The following MCPH1 variants were observed in gnomAD, a reference collection of about 807,000 sequenced individuals.
MCPH1 encodes the protein microcephalin 1.
MCPH1 carries 104 observed loss-of-function variants against 84.5 expected under a neutral mutation model. The observed-to-expected ratio is 1.23, with a 90% confidence interval of 1.05 to 1.45. The LOEUF is 1.45. Among genes scored for constraint, MCPH1 ranks in the 40% most tolerant of loss-of-function variants. The probability of loss-of-function intolerance (pLI) is 0.00; values close to 1 mark genes in which losing one functional copy is unlikely to be tolerated. For missense variants in MCPH1, 1,498 were observed against 1,005.7 expected, an observed-to-expected ratio of 1.49 and a Z score of -6.62; for synonymous variants, 514 against 366.8, an observed-to-expected ratio of 1.40 and a Z score of -4.58.
At chr8:6,626,464 TTTTTG>T (rs1399259836) in intron 13 of MCPH1, 30 of 976,488 alleles carry the variant, frequency 3.1e-5, no homozygotes, top group Non-Finnish European at 3.4e-5. Flanking sequence ...TTGTTTGGTT[TTTTTG>T]TTTTGTTTTT....
intron 3 of MCPH1, among the ~76,000 whole-genome samples, chr8:6,416,032 C>G (rs913533879): frequency 6.6e-6 from 1 of 152,022 alleles, no homozygotes; most frequent in Non-Finnish European, 1.5e-5. Flanking sequence ...AAATTTATTC[C>G]TAACTTTTTT....
chr8:6,599,428 C>G (rs780873262), intron 12 of MCPH1, among the ~76,000 whole-genome samples: 1 of 152,120 alleles, frequency 6.6e-6, no homozygotes, highest in East Asian at 1.9e-4. Context: ...TGTTCTTTGT[C>G]CATTATTCTC....
chr8:6,607,253 A>G (rs1279432248), intron 12 of MCPH1, among the ~76,000 whole-genome samples: 1 of 152,194 alleles, frequency 6.6e-6, no homozygotes, highest in Admixed American at 6.5e-5. Context: ...CACAGAGAAG[A>G]ATCAGAACAA....
intron 12 of MCPH1, among the ~76,000 whole-genome samples, chr8:6,558,418 T>A (rs1378011520): frequency 2.0e-5 from 3 of 152,236 alleles, no homozygotes; most frequent in Non-Finnish European, 2.9e-5. Context: ...AACTCTTGTT[T>A]TTCAATTTTA....
At chr8:6,529,685 G>C (rs889110997) in intron 12 of MCPH1, among the ~76,000 whole-genome samples, 4 of 144,748 alleles carry the variant, frequency 2.8e-5, no homozygotes, top group African/African-American at 1.0e-4. Flanking sequence ...AGCTGGTCTC[G>C]GACTCCTGAT....
intron 12 of MCPH1, among the ~76,000 whole-genome samples, chr8:6,558,760 T>G (rs929860642): frequency 2.0e-5 from 3 of 152,192 alleles, no homozygotes; most frequent in Non-Finnish European, 4.4e-5. Flanking sequence ...TAATCCAGTA[T>G]GTCAGACAAC....
At chr8:6,571,092 T>G (rs1179644740) in intron 12 of MCPH1, among the ~76,000 whole-genome samples, 1 of 152,134 alleles carries the variant, frequency 6.6e-6, no homozygotes, top group African/African-American at 2.4e-5. Context: ...TTCTCTAGTA[T>G]TATTATGGAA....
chr8:6,599,648 C>T (rs567994850), intron 12 of MCPH1, among the ~76,000 whole-genome samples: 1 of 152,340 alleles, frequency 6.6e-6, no homozygotes, highest in South Asian at 2.1e-4. Context: ...AACAAATTCT[C>T]AGGTGCTTGT....
chr8:6,594,936 T>C (rs532508017), intron 12 of MCPH1, among the ~76,000 whole-genome samples: 2 of 152,344 alleles, frequency 1.3e-5, no homozygotes, highest in East Asian at 3.9e-4. Flanking sequence ...ATAATGGTTT[T>C]AAACTGTTCT....
In MCPH1 at chr8:6,548,330, C is replaced by T. The variant is rs75678600; in HGVS notation, c.2214+48401C>T. 5.7e-3 allele frequency among the ~76,000 whole-genome samples: 861 copies of T among 152,272 alleles called. 12 individuals are homozygous for T. The highest frequency in any genetic ancestry group is 0.056 in the East Asian group (290 of 5,166). ...GTGCGTCACTTCCCAGCTGTTGGTC[C>T]CCTGCCACTTAGATGCCTTTCATGG... On this transcript the variant is annotated intron_variant, in intron 12 of 13. Transcript: ENST00000344683.
chr8:6,623,189 C>G (rs939940264), intron 13 of MCPH1, among the ~76,000 whole-genome samples: 1 of 151,854 alleles, frequency 6.6e-6, no homozygotes, highest in Non-Finnish European at 1.5e-5. Flanking sequence ...TTTCAAGGCC[C>G]CATCTCCAAA....
chr8:6,500,219 A>G (rs1318576443), intron 12 of MCPH1: 1 of 406,646 alleles, frequency 2.5e-6, no homozygotes, highest in East Asian at 5.4e-5. Flanking sequence ...ATTCTTGGGC[A>G]GGTAGTCTTA....
At chr8:6,556,999 G>A (rs1427598756) in intron 12 of MCPH1, among the ~76,000 whole-genome samples, 1 of 152,122 alleles carries the variant, frequency 6.6e-6, no homozygotes, top group African/African-American at 2.4e-5. Context: ...CAACTTGCAT[G>A]GCTCCTGCCC....
chr8:6,496,234 G>A (rs1162139644), intron 11 of MCPH1, among the ~76,000 whole-genome samples: 1 of 152,154 alleles, frequency 6.6e-6, no homozygotes, highest in Non-Finnish European at 1.5e-5. Flanking sequence ...TAAGGAGCAT[G>A]CAACCTAGAT....
At chr8:6,476,388 C>T (rs1808458367) in intron 9 of MCPH1, among the ~76,000 whole-genome samples, 1 of 144,564 alleles carries the variant, frequency 6.9e-6, no homozygotes. Context: ...GAGATTGCAC[C>T]ATTGCACTCC....
chr8:6,494,443 C>T (rs1811011565), intron 11 of MCPH1: 1 of 152,152 alleles, frequency 6.6e-6, no homozygotes, highest in South Asian at 2.1e-4. Context: ...CCTTGCTACA[C>T]CGTAGCTGTG....
At chr8:6,512,917 C>T (rs1288177241) in intron 12 of MCPH1, among the ~76,000 whole-genome samples, 1 of 152,194 alleles carries the variant, frequency 6.6e-6, no homozygotes, top group East Asian at 1.9e-4. Context: ...CTAAACTTGA[C>T]AACTAATCTT....
At chr8:6,633,715 G>A (rs561434374) in intron 13 of MCPH1, among the ~76,000 whole-genome samples, 11 of 152,230 alleles carry the variant, frequency 7.2e-5, no homozygotes, top group South Asian at 2.1e-4. Flanking sequence ...AAAATGGCAC[G>A]TGTGCAGGCT....
intron 12 of MCPH1, among the ~76,000 whole-genome samples, chr8:6,584,535 G>A (rs543181635): frequency 1.3e-5 from 2 of 152,014 alleles, no homozygotes; most frequent in East Asian, 1.9e-4. Context: ...AATAAACTTG[G>A]TACCAGAACA....
Sources: allele counts gnomAD v4.1 joint callset (sites outside exome capture counted in the v4.1 genomes callset), GRCh38; gene constraint gnomAD v4.1.1; transcripts MANE v1.5; gene names NCBI Gene and HGNC (gene_info 2026-07-23, HGNC 2026-07-21).